Variants in WARS2 observed in about 807,000 individuals in gnomAD.
The protein encoded by WARS2 is tryptophanyl tRNA synthetase 2, mitochondrial, also known as tryptophan--tRNA ligase, mitochondrial.
A neutral mutation model predicts 36.5 loss-of-function variants in WARS2; 28 were observed. That is an observed-to-expected ratio of 0.77 (90% CI 0.57 to 1.05). The LOEUF is 1.05. Among genes scored for constraint, WARS2 ranks in the 50% least tolerant of loss-of-function variants. WARS2 has a pLI of 0.00. For missense variants in WARS2, 435 were observed against 456.8 expected (o/e 0.95, Z 0.44); for synonymous variants, 174 against 178.4 (o/e 0.98, Z 0.20).
At chr1:119,076,070 C>T (rs1651703546) in intron 2 of WARS2, among the ~76,000 whole-genome samples, 1 of 152,108 alleles carries the variant, frequency 6.6e-6, no homozygotes, top group Admixed American at 6.5e-5. Context: ...CAAAACAATT[C>T]CAGGGCTAGA....
intron 4 of WARS2, among the ~76,000 whole-genome samples, chr1:119,040,968 C>G (rs1423498074): frequency 6.6e-6 from 1 of 152,088 alleles, no homozygotes; most frequent in Non-Finnish European, 1.5e-5. Flanking sequence ...ATCAAGAGTC[C>G]AGCATACAAG....
chr1:119,053,322 C>T (rs1050058632), intron 2 of WARS2, among the ~76,000 whole-genome samples: 3 of 152,156 alleles, frequency 2.0e-5, no homozygotes, highest in African/African-American at 4.8e-5. Context: ...ATAGAGACTA[C>T]GTGCTGCCTG....
At chr1:119,045,996 C>T (rs899976144) in intron 2 of WARS2, among the ~76,000 whole-genome samples, 1 of 151,678 alleles carries the variant, frequency 6.6e-6, no homozygotes, top group African/African-American at 2.4e-5. Context: ...ATTAAGAAGG[C>T]ACACACACAC....
chr1:119,097,672 C>A (rs751055750), intron 1 of WARS2, among the ~76,000 whole-genome samples: 1 of 152,200 alleles, frequency 6.6e-6, no homozygotes, highest in Admixed American at 6.5e-5. Flanking sequence ...CTGTAACTTA[C>A]TTTTCCTACA....
At chr1:119,082,943 T>A (rs1293749941) in intron 1 of WARS2, among the ~76,000 whole-genome samples, 1 of 152,174 alleles carries the variant, frequency 6.6e-6, no homozygotes, top group Non-Finnish European at 1.5e-5. Context: ...TAAAAGAGGC[T>A]TCAGGCTGGG....
At chr1:119,098,213 C>A (rs1026483313) in intron 1 of WARS2, among the ~76,000 whole-genome samples, 1 of 152,030 alleles carries the variant, frequency 6.6e-6, no homozygotes, top group East Asian at 2.0e-4. Context: ...CGTGCCACTG[C>A]ACTCCAACCA....
chr1:119,076,454 G>A lies in WARS2; in HGVS notation c.244C>T (p.Pro82Ser). Residue 82 changes from proline to serine, a missense_variant, in exon 2 of 6, where the codon CCC becomes TCC. Coordinates refer to ENST00000235521, the MANE Select transcript of WARS2 (RefSeq NM_015836.4). ...SIVDLHSITV[P>S]QDPAVLRQSI... is the part of the protein sequence containing the mutation. ...TGCCGAAGGACAGCTGGGTCTTGGG[G>A]GACAGTAATGGAGTGGAGGTCAACA... 1 of 1,614,130 alleles carries A rather than the reference G, an allele frequency of 6.2e-7. No homozygotes were observed.
Position 119,032,460 on chromosome 1 carries a change from C to T in WARS2, c.*451G>A, listed in dbSNP as rs1647503581. 1 of 155,266 alleles carries T rather than the reference C, an allele frequency of 6.4e-6. No individual in the cohort carries two copies. The highest frequency in any genetic ancestry group is 1.4e-5 in the Non-Finnish European group (1 of 70,290). 9.6% of individuals were successfully genotyped at this position (155,266 alleles called of 1,614,324 possible). A position where few individuals can be genotyped will look rare whatever the true frequency, so the allele number is the denominator to read the frequency against. ...GACTTGTTTTTATGAGCTCTGAATACAAATTGGCATCTGATCAAATGGCAT... is the reference window on the plus strand; with the variant it reads ...GACTTGTTTTTATGAGCTCTGAATATAAATTGGCATCTGATCAAATGGCAT... On this transcript the variant is annotated 3_prime_UTR_variant, in exon 6 of 6. Coordinates refer to ENST00000235521, the MANE Select transcript of WARS2 (RefSeq NM_015836.4).
intron 1 of WARS2, among the ~76,000 whole-genome samples, chr1:119,094,115 T>G (rs940510715): frequency 6.6e-6 from 1 of 152,218 alleles, no homozygotes. Flanking sequence ...GGATCAAAGT[T>G]CTAGGATCAC....
At chr1:119,104,303 C>T (rs1571363276) in intron 1 of WARS2, among the ~76,000 whole-genome samples, 1 of 151,412 alleles carries the variant, frequency 6.6e-6, no homozygotes, top group Admixed American at 6.6e-5. Flanking sequence ...TTACAATAAA[C>T]TTTGACTGGT....
intron 1 of WARS2, among the ~76,000 whole-genome samples, chr1:119,096,999 T>A (rs1653487039): frequency 6.6e-6 from 1 of 152,160 alleles, no homozygotes; most frequent in Non-Finnish European, 1.5e-5. Flanking sequence ...TAACACAGAC[T>A]TTTGTTTTGC....
intron 1 of WARS2, among the ~76,000 whole-genome samples, chr1:119,130,159 A>T (rs1419504541): frequency 6.6e-6 from 1 of 152,106 alleles, no homozygotes; most frequent in African/African-American, 2.4e-5. Flanking sequence ...AAAAAAGGCA[A>T]TGTCAATACA....
At chr1:119,123,551 G>T (rs1655462721) in intron 1 of WARS2, among the ~76,000 whole-genome samples, 1 of 150,866 alleles carries the variant, frequency 6.6e-6, no homozygotes, top group Non-Finnish European at 1.5e-5. Context: ...GTGTGTCAGG[G>T]AGGGGAGGGT....
At chr1:119,049,436 T>G (rs1269551704) in intron 2 of WARS2, among the ~76,000 whole-genome samples, 1 of 152,244 alleles carries the variant, frequency 6.6e-6, no homozygotes, top group Non-Finnish European at 1.5e-5. Context: ...TCTATTGTTT[T>G]TTATACCCAC....
At chr1:119,048,865 A>T (rs1416174372) in intron 2 of WARS2, among the ~76,000 whole-genome samples, 2 of 152,104 alleles carry the variant, frequency 1.3e-5, no homozygotes, top group Non-Finnish European at 2.9e-5. Context: ...GGAGTTCAAG[A>T]CCAGCCTGGC....
chr1:119,105,524 G>A (rs926447448), intron 1 of WARS2, among the ~76,000 whole-genome samples: 1 of 152,134 alleles, frequency 6.6e-6, no homozygotes, highest in Non-Finnish European at 1.5e-5. Flanking sequence ...CAGGTTGGTG[G>A]AGTGGGGAGC....
At chr1:119,086,863 A>C (rs1033118944) in intron 1 of WARS2, among the ~76,000 whole-genome samples, 5 of 151,996 alleles carry the variant, frequency 3.3e-5, no homozygotes, top group Admixed American at 3.3e-4. Context: ...AACTCAGCTG[A>C]CTACTTGCCT....
chr1:119,042,874 A>G (rs2765531), intron 3 of WARS2, among the ~76,000 whole-genome samples: 44,797 of 152,098 alleles, frequency 0.29, 7,252 homozygotes, highest in African/African-American at 0.43. Flanking sequence ...AAAGTAAGTG[A>G]GAGAAATATT....
At chr1:119,085,686 G>A (rs1313464236) in intron 1 of WARS2, 8 of 1,442,620 alleles carry the variant, frequency 5.5e-6, no homozygotes, top group Non-Finnish European at 7.8e-6. Context: ...GGCCAGAATT[G>A]TGCTCCTCTG....
Sources: gnomAD v4.1 joint callset for allele counts (sites outside exome capture counted in the v4.1 genomes callset) on GRCh38, gnomAD v4.1.1 for gene constraint, MANE v1.5 for transcripts, NCBI Gene and HGNC (gene_info 2026-07-23, HGNC 2026-07-21) for gene names.